ZBTB8A: variants seen among roughly 807,000 people sequenced by gnomAD.
ZBTB8A encodes zinc finger and BTB domain-containing protein 8A.
ZBTB8A carries 19 observed loss-of-function variants against 37.8 expected under a neutral mutation model. The observed-to-expected ratio is 0.50, with a 90% CI of 0.35 to 0.74. The LOEUF is 0.74. Among genes scored for constraint, ZBTB8A ranks in the 30% least tolerant of loss-of-function variants. The probability of loss-of-function intolerance (pLI) is 0.01; values close to 1 mark genes in which losing one functional copy is unlikely to be tolerated. For missense variants in ZBTB8A, 394 were observed against 537.8 expected, an observed-to-expected ratio of 0.73 and a Z score of 2.65; for synonymous variants, 181 against 185.2, an observed-to-expected ratio of 0.98 and a Z score of 0.19.
At position 32,593,774 on chromosome 1, in the gene ZBTB8A, G is replaced by A; in HGVS notation, c.823+20G>A. Reference sequence around the variant, plus strand: ...TTCCAGGTACCCAAAAAGAGCATAAGTCCCCTCATCCAGGTTCCAAACTGC... The same window carrying A: ...TTCCAGGTACCCAAAAAGAGCATAAATCCCCTCATCCAGGTTCCAAACTGC... On this transcript the variant is annotated intron_variant, in intron 3 of 4. Coordinates refer to ENST00000373510, the MANE Select transcript of ZBTB8A (RefSeq NM_001040441.3). The A allele has an allele frequency of 6.3e-7, 1 of 1,582,658 alleles. No homozygotes were observed. The highest frequency in any genetic ancestry group is 8.6e-7 in the Non-Finnish European group (1 of 1,162,844).
intron 1 of ZBTB8A, among the ~76,000 whole-genome samples, chr1:32,548,769 G>A (rs914718517): frequency 1.3e-5 from 2 of 152,182 alleles, no homozygotes; most frequent in Non-Finnish European, 2.9e-5. Context: ...TCAAGGGCTT[G>A]TTATAAGCCA....
chr1:32,570,446 G>A lies in ZBTB8A; in HGVS notation c.-2+16906G>A, dbSNP rs191906601. 1.3e-3 allele frequency among the ~76,000 whole-genome samples: 204 copies of A among 152,294 alleles called. 2 individuals carry two copies. Among genetic ancestry groups the A allele is most frequent in the African/African-American group, 4.7e-3 (197 of 41,592 alleles). ...TAGAAGCAGCTTGATACTTTCTACA[G>A]AGATAAATTTGCTTGGATTTTGTTG... On this transcript the variant is annotated intron_variant, in intron 2 of 4. Transcript: ENST00000373510.
intron 2 of ZBTB8A, among the ~76,000 whole-genome samples, chr1:32,582,294 CCAAAATCCAAAAAAATA>C (rs1644412870): frequency 6.6e-6 from 1 of 151,800 alleles, no homozygotes. Flanking sequence ...TGGAAATATC[CCAAAATCCAAAAAAATA>C]TAAAATTCAA....
chr1:32,545,032 T>G (rs995388761), intron 1 of ZBTB8A, among the ~76,000 whole-genome samples: 2 of 152,334 alleles, frequency 1.3e-5, no homozygotes, highest in African/African-American at 4.8e-5. Flanking sequence ...GTGAAATTGC[T>G]GGGTCATATG....
rs138672502 is a variant in ZBTB8A at position 32,551,697 on chromosome 1, G to A, written c.-83-1762G>A. ...GCACTTCAGCCTGGGCAACAAGAGC[G>A]AAACTCCATCTAAAAAAAAATAAAA... is the stretch of plus-strand genomic sequence containing the variant. On this transcript the variant is annotated intron_variant, in intron 1 of 4. Transcript: ENST00000373510. Among the ~76,000 whole-genome samples the A allele has an allele frequency of 8.4e-3, 1,276 of 151,914 alleles. 18 individuals carry two copies. Among genetic ancestry groups the A allele is most frequent in the African/African-American group, 0.028 (1,173 of 41,454 alleles).
At chr1:32,585,515 C>G (rs1557714414) in intron 2 of ZBTB8A, among the ~76,000 whole-genome samples, 1 of 152,004 alleles carries the variant, frequency 6.6e-6, no homozygotes, top group Non-Finnish European at 1.5e-5. Flanking sequence ...AAGATCTTAA[C>G]AGAGCAAATA....
At chr1:32,585,991 GA>G (rs1308972607) in intron 2 of ZBTB8A, among the ~76,000 whole-genome samples, 2 of 150,852 alleles carry the variant, frequency 1.3e-5, no homozygotes, top group Non-Finnish European at 2.9e-5. Context: ...CAACAGGAGT[GA>G]AATTCCGTCT....
chr1:32,593,579 A>G lies in ZBTB8A; in HGVS notation c.648A>G (p.Ser216=). Residue 216 remains serine (S), a synonymous_variant, in exon 3 of 5, where the codon TCA becomes TCG. Transcript: ENST00000373510. ...AAAAGACCAAACATTTGAGATTGTC[A>G]CAGCCTTCTGAAGTTACTCATTATA... The part of the protein sequence containing the change: ...SIKKTKHLRL[S]QPSEVTHYKS... 6.2e-7 allele frequency: 1 copy of G among 1,614,264 alleles called. No homozygotes were observed. The highest frequency in any genetic ancestry group is 1.3e-5 in the African/African-American group (1 of 75,080).
intron 1 of ZBTB8A, among the ~76,000 whole-genome samples, chr1:32,541,280 T>C (rs1644051001): frequency 6.6e-6 from 1 of 152,170 alleles, no homozygotes; most frequent in African/African-American, 2.4e-5. Context: ...GGTCTCACCA[T>C]GTCCTACTTC....
In ZBTB8A at chr1:32,602,042, C is replaced by T. The variant is rs188675615; in HGVS notation, c.*1623C>T. 5.4e-3 allele frequency: 861 copies of T among 159,338 alleles called. 7 individuals are homozygous for T. Among genetic ancestry groups the T allele is most frequent in the South Asian group, 0.018 (90 of 4,894 alleles). The allele number at this position is 159,338 out of a possible 1,614,324, so 9.9% of individuals were successfully genotyped here. A position where few individuals can be genotyped will look rare whatever the true frequency, so the allele number is the denominator to read the frequency against. ...TAGTATACAAAGTTTAAACTTCTCCCCTTTGGGCTGGGCCCAGTGGCTCAC... is the reference window on the plus strand; with the variant it reads ...TAGTATACAAAGTTTAAACTTCTCCTCTTTGGGCTGGGCCCAGTGGCTCAC... On this transcript the variant is annotated 3_prime_UTR_variant, in exon 5 of 5. Transcript: ENST00000373510.
rs1005903191 is a variant in ZBTB8A at position 32,603,064 on chromosome 1, G to A, written c.*2645G>A. 3.9e-5 allele frequency: 6 copies of A among 152,126 alleles called. No individual in the cohort carries two copies. Among genetic ancestry groups the A allele is most frequent in the Non-Finnish European group, 7.3e-5 (5 of 68,028 alleles). The allele number at this position is 152,126 out of a possible 1,614,324, so 9.4% of individuals were successfully genotyped here. On this transcript the variant is annotated 3_prime_UTR_variant, in exon 5 of 5. Transcript: ENST00000373510. ...TCAAGATTCCCCTGATGGCACATTTGCAGTTGCTTCAAGACTGGATGATGT... is the reference window on the plus strand; with the variant it reads ...TCAAGATTCCCCTGATGGCACATTTACAGTTGCTTCAAGACTGGATGATGT...
At chr1:32,592,796 C>G in intron 2 of ZBTB8A, 135 bp from the exon 3 acceptor site, 2 of 718,964 alleles carry the variant, frequency 2.8e-6, no homozygotes, top group Non-Finnish European at 4.5e-6. Flanking sequence ...GAGTGAGCCA[C>G]TGTGCCCAGC....
intron 2 of ZBTB8A, among the ~76,000 whole-genome samples, chr1:32,578,315 G>T (rs1254132984): frequency 1.3e-5 from 2 of 150,478 alleles, no homozygotes; most frequent in Non-Finnish European, 2.9e-5. Context: ...GACCTCAGGT[G>T]ATCTGCCTGC....
intron 2 of ZBTB8A, among the ~76,000 whole-genome samples, chr1:32,589,137 T>C (rs2148247241): frequency 6.6e-6 from 1 of 151,736 alleles, no homozygotes; most frequent in Non-Finnish European, 1.5e-5. Context: ...AAAAGAAAAA[T>C]GGAATAGAGG....
At chr1:32,555,255 G>A (rs893317394) in intron 2 of ZBTB8A, among the ~76,000 whole-genome samples, 2 of 152,106 alleles carry the variant, frequency 1.3e-5, no homozygotes, top group African/African-American at 4.8e-5. Context: ...CGGGCGTGGT[G>A]GCAGGCGCCT....
chr1:32,600,037 T>C (rs1431020172), intron 4 of ZBTB8A, 50 bp from the exon 5 acceptor site: 3 of 1,477,122 alleles, frequency 2.0e-6, no homozygotes, highest in East Asian at 4.6e-5. Flanking sequence ...AATATCAAAC[T>C]GTCCTGCTTT....
intron 2 of ZBTB8A, among the ~76,000 whole-genome samples, chr1:32,556,538 T>A (rs1644204015): frequency 6.6e-6 from 1 of 152,072 alleles, no homozygotes; most frequent in Non-Finnish European, 1.5e-5. Context: ...AGCCAATTTT[T>A]AAAAATCTAT....
At chr1:32,560,137 C>A (rs1644232252) in intron 2 of ZBTB8A, among the ~76,000 whole-genome samples, 1 of 152,086 alleles carries the variant, frequency 6.6e-6, no homozygotes, top group Non-Finnish European at 1.5e-5. Flanking sequence ...ACAACCAGAT[C>A]TCATGAGAAC....
At chr1:32,559,521 T>C (rs558009142) in intron 2 of ZBTB8A, among the ~76,000 whole-genome samples, 72 of 152,200 alleles carry the variant, frequency 4.7e-4, no homozygotes, top group African/African-American at 1.5e-3. Flanking sequence ...TGGAGTGCAG[T>C]GGCATGATCA....
Sources: gnomAD v4.1 joint callset for allele counts (sites outside exome capture counted in the v4.1 genomes callset) on GRCh38, gnomAD v4.1.1 for gene constraint, MANE v1.5 for transcripts, NCBI Gene and HGNC (gene_info 2026-07-23, HGNC 2026-07-21) for gene names.